The following PCBP2 variants were observed in gnomAD, a reference collection of about 807,000 sequenced individuals.
The protein encoded by PCBP2 is poly(rC)-binding protein 2.
In PCBP2, 4 loss-of-function variants were observed where a neutral mutation model predicts 50.1. That is an observed-to-expected ratio of 0.08 (90% CI 0.04 to 0.18). The LOEUF (loss-of-function observed/expected upper bound fraction) is 0.18, where lower values mean the gene tolerates loss of function less well. PCBP2 is among the 10% of genes least tolerant of loss of function. The pLI, the probability that PCBP2 is intolerant of heterozygous loss-of-function variation, is 1.00. For synonymous variants in PCBP2, 179 were observed against 168.0 expected, an observed-to-expected ratio of 1.07 and a Z score of -0.51; for missense variants, 161 against 474.3, an observed-to-expected ratio of 0.34 and a Z score of 6.14.
intron 1 of PCBP2, 99 bp downstream of exon 1, chr12:53,452,475 T>G (rs1353029118): frequency 6.6e-6 from 1 of 151,226 alleles, no homozygotes; most frequent in Non-Finnish European, 1.5e-5. Flanking sequence ...AGCCGCGGTC[T>G]CGCGTAGTCC....
chr12:53,462,893 G>A (rs1280614242), intron 8 of PCBP2, among the ~76,000 whole-genome samples: 1 of 152,088 alleles, frequency 6.6e-6, no homozygotes, highest in African/African-American at 2.4e-5. Context: ...ATATTTAGAG[G>A]TCTAAATAAA....
intron 4 of PCBP2, 119 bp downstream of exon 4, chr12:53,455,612 G>T (rs1218426310): frequency 1.8e-6 from 2 of 1,115,510 alleles, no homozygotes; most frequent in Admixed American, 2.1e-5. Flanking sequence ...TTTTTTTTCG[G>T]CTTGGTTATT....
chr12:53,463,004 C>T (rs1339962090), intron 8 of PCBP2, among the ~76,000 whole-genome samples: 2 of 152,168 alleles, frequency 1.3e-5, no homozygotes, highest in Non-Finnish European at 2.9e-5. Flanking sequence ...CTTCCCTCCA[C>T]CTCACCTCCC....
At chr12:53,460,975 A>G (rs1941411765) in intron 6 of PCBP2, 40 bp from the exon 7 acceptor site, 1 of 1,608,520 alleles carries the variant, frequency 6.2e-7, no homozygotes, top group Non-Finnish European at 8.5e-7. Context: ...AAGAGCATGA[A>G]CTGTTTTTCT....
chr12:53,470,104 G>C (rs1213702284), intron 13 of PCBP2, among the ~76,000 whole-genome samples: 1 of 151,940 alleles, frequency 6.6e-6, no homozygotes, highest in African/African-American at 2.4e-5. Context: ...GTGGTTTTCA[G>C]CCAGGTGCAG....
At chr12:53,458,882 C>A (rs981627989) in intron 5 of PCBP2, among the ~76,000 whole-genome samples, 1 of 152,150 alleles carries the variant, frequency 6.6e-6, no homozygotes, top group Admixed American at 6.5e-5. Flanking sequence ...TGAAATGATT[C>A]ACCTGCTTCA....
rs969164675 is a variant in PCBP2, at chr12:53,467,680, G to GT, written c.788-117dup. 1.8e-4 allele frequency: 144 copies of GT among 810,382 alleles called. 1 individual carries two copies. Among genetic ancestry groups the GT allele is most frequent in the Middle Eastern group, 7.2e-4 (2 of 2,788 alleles). The allele number at this position is 810,382 out of a possible 1,614,324, so 50.2% of individuals were successfully genotyped here. A position where few individuals can be genotyped will look rare whatever the true frequency, so the allele number is the denominator to read the frequency against. Reference sequence around the variant, plus strand: ...ATCCATTTGTGCCAAATTGTGTAGTGTTTTTTTTGTTTTTGTTTTTGTTTT... The same window carrying GT: ...ATCCATTTGTGCCAAATTGTGTAGTGTTTTTTTTTGTTTTTGTTTTTGTTTT... On this transcript the variant is annotated intron_variant, in intron 11 of 14. Transcript: ENST00000546463.
At position 53,454,780 on chromosome 12, in the gene PCBP2, C is replaced by A. The variant is rs1368169709; in HGVS notation, c.-21C>A. On this transcript the variant is annotated 5_prime_UTR_variant, in exon 2 of 15. Coordinates refer to ENST00000546463, the MANE Select transcript of PCBP2 (RefSeq NM_031989.5). The stretch of plus-strand genomic sequence containing the variant: ...AAAGACTTGACCACTCAAAGTCCAG[C>A]TCCCCAGAACACTGCTCGACATGGA... 1 of 1,611,438 alleles carries A rather than the reference C, an allele frequency of 6.2e-7. No individual in the cohort carries two copies. The highest frequency in any genetic ancestry group is 1.1e-5 in the South Asian group (1 of 90,978).
At chr12:53,477,425 G>T (rs1942667760) in intron 14 of PCBP2, among the ~76,000 whole-genome samples, 1 of 152,026 alleles carries the variant, frequency 6.6e-6, no homozygotes, top group Non-Finnish European at 1.5e-5. Context: ...CAGCACTTTG[G>T]GAGGCCGAGG....
chr12:53,470,558 C>T (rs2249024), intron 13 of PCBP2, among the ~76,000 whole-genome samples: 107 of 151,782 alleles, frequency 7.0e-4, no homozygotes, highest in Admixed American at 2.6e-3. Flanking sequence ...GTGCATGCCA[C>T]TATCCCTGGC....
chr12:53,467,736 A>G (rs939057147), intron 11 of PCBP2, 69 bp from the exon 12 acceptor site: 6 of 1,231,756 alleles, frequency 4.9e-6, no homozygotes, highest in African/African-American at 1.5e-5. Context: ...GCTTTTCTGT[A>G]TAAGGAATAA....
intron 14 of PCBP2, 100 bp from the exon 15 acceptor site, chr12:53,479,306 C>A: frequency 9.8e-7 from 1 of 1,021,420 alleles, no homozygotes; most frequent in Admixed American, 1.8e-5. Context: ...CTTGGTACTC[C>A]AGCACTGGTT....
At chr12:53,459,217 T>TAAA in intron 5 of PCBP2, 55 bp from the exon 6 acceptor site, 1 of 1,505,292 alleles carries the variant, frequency 6.6e-7, no homozygotes, top group Non-Finnish European at 9.0e-7. Context: ...GGTTCTTTAA[T>TAAA]GGCAGTTACT....
chr12:53,471,553 T>C, intron 13 of PCBP2, 85 bp from the exon 14 acceptor site: 6 of 1,243,822 alleles, frequency 4.8e-6, no homozygotes, highest in Non-Finnish European at 6.3e-6. Context: ...GCCACAGTCG[T>C]AGGATTTGGG....
chr12:53,470,771 T>TTTC (rs1348987042), intron 13 of PCBP2, among the ~76,000 whole-genome samples: 1 of 151,404 alleles, frequency 6.6e-6, no homozygotes, highest in African/African-American at 2.4e-5. Flanking sequence ...TTTTTTTTTT[T>TTTC]TTCCACCTTT....
intron 2 of PCBP2, 26 bp from the exon 3 acceptor site, chr12:53,455,321 A>G: frequency 1.9e-6 from 3 of 1,607,282 alleles, no homozygotes; most frequent in Middle Eastern, 1.7e-4. Flanking sequence ...GTTTCCTCTT[A>G]CTGACGTTAG....
chr12:53,458,182 C>T (rs1286785011), intron 5 of PCBP2, among the ~76,000 whole-genome samples: 1 of 152,162 alleles, frequency 6.6e-6, no homozygotes, highest in Non-Finnish European at 1.5e-5. Flanking sequence ...CCTGCTTTGG[C>T]CTCCCAAAGT....
intron 12 of PCBP2, chr12:53,468,498 T>TC: frequency 2.2e-6 from 1 of 455,492 alleles, no homozygotes; most frequent in South Asian, 2.8e-5. Context: ...GATACCACAC[T>TC]CCCTTGCCCT....
chr12:53,475,161 G>A (rs1424119641), intron 14 of PCBP2: 9 of 456,376 alleles, frequency 2.0e-5, no homozygotes, highest in African/African-American at 4.0e-5. Flanking sequence ...CACCTCTGCC[G>A]TGCCATGTGT....
Sources: allele counts gnomAD v4.1 joint callset (sites outside exome capture counted in the v4.1 genomes callset), GRCh38; gene constraint gnomAD v4.1.1; transcripts MANE v1.5; gene names NCBI Gene and HGNC (gene_info 2026-07-23, HGNC 2026-07-21).